Variants in JPT1 observed in about 807,000 individuals in gnomAD.
JPT1 encodes androgen-regulated protein 2.
In JPT1, 5 loss-of-function variants were observed where a neutral mutation model predicts 17.0. The ratio of observed to expected loss-of-function variants is 0.29; its 90% CI spans 0.15 to 0.62. The LOEUF (loss-of-function observed/expected upper bound fraction) is 0.62, where lower values mean the gene tolerates loss of function less well. JPT1 is among the 20% of genes least tolerant of loss of function. JPT1 has a pLI of 0.85. For synonymous variants in JPT1, 71 were observed against 73.6 expected, an observed-to-expected ratio of 0.96 and a Z score of 0.18; for missense variants, 158 against 188.1, an observed-to-expected ratio of 0.84 and a Z score of 0.94.
chr17:75,135,994 G>T lies in JPT1; in HGVS notation c.*108C>A. 1 of 1,605,614 alleles carries T rather than the reference G, an allele frequency of 6.2e-7. No individual in the cohort carries two copies. Among genetic ancestry groups the T allele is most frequent in the Non-Finnish European group, 8.5e-7 (1 of 1,175,180 alleles). On this transcript the variant is annotated 3_prime_UTR_variant, in exon 5 of 5. Coordinates refer to ENST00000409753, the MANE Select transcript of JPT1 (RefSeq NM_016185.4). Reference sequence around the variant, plus strand: ...AAAAAAAGACAGCAGTACATAAAGTGCTTCTTTTTAATGAAACAAATCCAA... The same window carrying T: ...AAAAAAAGACAGCAGTACATAAAGTTCTTCTTTTTAATGAAACAAATCCAA...
intron 3 of JPT1, chr17:75,146,902 T>C: frequency 2.0e-6 from 1 of 489,296 alleles, no homozygotes. Context: ...GTACCACGTC[T>C]ACAACAAACC....
chr17:75,149,144 A>G (rs1416946249), intron 1 of JPT1: 2 of 763,676 alleles, frequency 2.6e-6, no homozygotes, highest in South Asian at 2.9e-5. Flanking sequence ...TGAGCCTAGG[A>G]GTTCAAGACC....
At chr17:75,144,147 G>A (rs926604327) in intron 4 of JPT1, among the ~76,000 whole-genome samples, 4 of 152,282 alleles carry the variant, frequency 2.6e-5, no homozygotes, top group Middle Eastern at 3.4e-3. Context: ...CCAAGGTACA[G>A]GAGCTCCTGT....
In JPT1 at chr17:75,146,806, A is replaced by G. The variant is rs148940199; in HGVS notation, c.298-122T>C. On this transcript the variant is annotated intron_variant, in intron 3 of 4. Transcript: ENST00000409753. ...GAATGTGACATTTCATTGTGTTGCAATCAAGCACAGGGTCAGTCTGCTACC... is the reference window on the plus strand; with the variant it reads ...GAATGTGACATTTCATTGTGTTGCAGTCAAGCACAGGGTCAGTCTGCTACC... 1.8e-5 allele frequency: 12 copies of G among 682,416 alleles called. No homozygotes were observed. In the East Asian group the frequency reaches 3.0e-4, roughly 17 times the overall value. The allele number at this position is 682,416 out of a possible 1,614,324, so 42.3% of individuals were successfully genotyped here. A position where few individuals can be genotyped will look rare whatever the true frequency, so the allele number is the denominator to read the frequency against.
At chr17:75,141,528 C>T (rs1447400256) in intron 4 of JPT1, among the ~76,000 whole-genome samples, 2 of 151,848 alleles carry the variant, frequency 1.3e-5, no homozygotes, top group East Asian at 3.9e-4. Context: ...TGGTGCATGC[C>T]TGTAGTCCCA....
At chr17:75,144,150 G>A (rs1421643827) in intron 4 of JPT1, among the ~76,000 whole-genome samples, 1 of 152,146 alleles carries the variant, frequency 6.6e-6, no homozygotes, top group Non-Finnish European at 1.5e-5. Context: ...AGGTACAGGA[G>A]CTCCTGTACT....
chr17:75,148,368 C>T (rs1568035490), intron 2 of JPT1, among the ~76,000 whole-genome samples, 161 bp downstream of exon 2: 1 of 152,186 alleles, frequency 6.6e-6, no homozygotes, highest in Non-Finnish European at 1.5e-5. Flanking sequence ...CCTCGGCCTC[C>T]GGAGTATCAG....
At chr17:75,139,957 GTC>G (rs1221791835) in intron 4 of JPT1, among the ~76,000 whole-genome samples, 2 of 152,068 alleles carry the variant, frequency 1.3e-5, no homozygotes, top group Admixed American at 6.6e-5. Context: ...TTCAGATGGA[GTC>G]TCTCTCTCTT....
Position 75,154,452 on chromosome 17 carries a change from C to T in JPT1, c.-55G>A. The stretch of plus-strand genomic sequence containing the variant: ...GGAGCAGAACGCTCAAAGGGTCGGA[C>T]CCGAGGGGCGCTGGGAAACTCCACA... On this transcript the variant is annotated 5_prime_UTR_variant, in exon 1 of 5. Coordinates refer to ENST00000409753, the MANE Select transcript of JPT1 (RefSeq NM_016185.4). The T allele has an allele frequency of 3.3e-6, 5 of 1,499,586 alleles. No homozygotes were observed. Among genetic ancestry groups the T allele is most frequent in the Non-Finnish European group, 4.5e-6 (5 of 1,111,736 alleles). 92.9% of individuals were successfully genotyped at this position (1,499,586 alleles called of 1,614,324 possible).
chr17:75,145,953 C>T (rs929127455), intron 4 of JPT1: 1 of 152,056 alleles, frequency 6.6e-6, no homozygotes, highest in African/African-American at 2.4e-5. Flanking sequence ...TGTTGTACCC[C>T]TGTAGTCCCA....
chr17:75,140,940 A>C (rs2074297149), intron 4 of JPT1: 1 of 152,358 alleles, frequency 6.6e-6, no homozygotes, highest in South Asian at 2.1e-4. Context: ...AAACACAAAA[A>C]TTAGCTGGAC....
intron 4 of JPT1, among the ~76,000 whole-genome samples, chr17:75,140,263 T>C (rs2074282885): frequency 6.6e-6 from 1 of 151,818 alleles, no homozygotes; most frequent in Non-Finnish European, 1.5e-5. Flanking sequence ...AGCTTTTGTC[T>C]GCTGAAGATA....
intron 4 of JPT1, among the ~76,000 whole-genome samples, chr17:75,144,228 T>C (rs1353021247): frequency 6.6e-6 from 1 of 152,092 alleles, no homozygotes; most frequent in Admixed American, 6.6e-5. Flanking sequence ...CTTTCAAATA[T>C]CCTTCGTAAC....
At chr17:75,146,077 CA>C (rs112131578) in intron 4 of JPT1, among the ~76,000 whole-genome samples, 38 of 144,640 alleles carry the variant, frequency 2.6e-4, no homozygotes, top group Non-Finnish European at 4.6e-4. Flanking sequence ...CACCTGGTCT[CA>C]AAAAAAAAAG....
At chr17:75,143,673 TAA>T (rs1397960833) in intron 4 of JPT1, among the ~76,000 whole-genome samples, 1 of 150,050 alleles carries the variant, frequency 6.7e-6, no homozygotes, top group Non-Finnish European at 1.5e-5. Context: ...CTGTCTCCAC[TAA>T]AAATTAAAAA....
intron 4 of JPT1, chr17:75,141,283 A>T (rs1277189198): frequency 1.3e-5 from 2 of 152,204 alleles, no homozygotes; most frequent in Non-Finnish European, 2.9e-5. Flanking sequence ...AGAAAAAAAT[A>T]TTATTGTGCC....
intron 3 of JPT1, 166 bp downstream of exon 3, chr17:75,147,390 A>G: frequency 3.5e-6 from 2 of 577,614 alleles, no homozygotes; most frequent in Non-Finnish European, 6.2e-6. Context: ...AGACCATGTT[A>G]ACACACTTCT....
intron 1 of JPT1, among the ~76,000 whole-genome samples, chr17:75,149,734 C>T (rs920657448): frequency 1.1e-4 from 16 of 151,994 alleles, no homozygotes; most frequent in South Asian, 2.1e-4. Context: ...AACTTGGGCA[C>T]GATCAGTAGC....
At chr17:75,146,598 A>C in intron 4 of JPT1, 68 bp downstream of exon 4, 1 of 1,214,974 alleles carries the variant, frequency 8.2e-7, no homozygotes, top group Non-Finnish European at 1.2e-6. Context: ...GACATGATTT[A>C]AATCAAGATT....
Sources: gnomAD v4.1 joint callset for allele counts (sites outside exome capture counted in the v4.1 genomes callset) on GRCh38, gnomAD v4.1.1 for gene constraint, MANE v1.5 for transcripts, NCBI Gene and HGNC (gene_info 2026-07-23, HGNC 2026-07-21) for gene names.